The following B3GALT1 variants were observed in gnomAD, a reference collection of about 807,000 sequenced individuals.
The protein encoded by B3GALT1 is beta-1,3-galactosyltransferase 1.
Under a neutral mutation model 23.2 loss-of-function variants are expected in B3GALT1, and 10 were observed. The ratio of observed to expected loss-of-function variants is 0.43; its 90% CI spans 0.27 to 0.73. The LOEUF (loss-of-function observed/expected upper bound fraction) is 0.73. Among genes scored for constraint, B3GALT1 ranks in the 30% least tolerant of loss-of-function variants. The probability of loss-of-function intolerance (pLI) is 0.21; values close to 1 mark genes in which losing one functional copy is unlikely to be tolerated. For synonymous variants in B3GALT1, 156 were observed against 141.5 expected (o/e 1.10, Z -0.73); for missense variants, 299 against 405.4 (o/e 0.74, Z 2.25).
intron 1 of B3GALT1, among the ~76,000 whole-genome samples, chr2:167,475,718 G>T (rs1474286735): frequency 6.6e-6 from 1 of 152,042 alleles, no homozygotes; most frequent in African/African-American, 2.4e-5. Context: ...AGATAAGGGG[G>T]TACTACCATA....
intron 2 of B3GALT1, among the ~76,000 whole-genome samples, chr2:167,598,012 T>A (rs142670385): frequency 1.9e-3 from 282 of 152,320 alleles, no homozygotes; most frequent in Non-Finnish European, 3.5e-3. Flanking sequence ...CATTTCACCA[T>A]GTACTTACCA....
Position 167,872,373 on chromosome 2 carries a change from C to T in B3GALT1, c.*2353C>T, listed in dbSNP as rs1247068376. 1 of 152,154 alleles carries T rather than the reference C, an allele frequency of 6.6e-6. No individual in the cohort carries two copies. Among genetic ancestry groups the T allele is most frequent in the East Asian group, 1.9e-4 (1 of 5,192 alleles). The allele number at this position is 152,154 out of a possible 1,614,324, so 9.4% of individuals were successfully genotyped here. ...CAAGACTTCCCATCCCTTAACACAT[C>T]TTCATCTTATGGTCAGCAGGACTGC... On this transcript the variant is annotated 3_prime_UTR_variant, in exon 5 of 5. Transcript: ENST00000392690.
At chr2:167,422,206 GTCTC>G (rs1384779219) in intron 1 of B3GALT1, among the ~76,000 whole-genome samples, 2 of 151,618 alleles carry the variant, frequency 1.3e-5, no homozygotes, top group Admixed American at 6.6e-5. Flanking sequence ...CTCTCTCTCT[GTCTC>G]TCTCTCTCCC....
At chr2:167,632,833 G>A (rs913835697) in intron 2 of B3GALT1, among the ~76,000 whole-genome samples, 1 of 151,966 alleles carries the variant, frequency 6.6e-6, no homozygotes, top group Non-Finnish European at 1.5e-5. Flanking sequence ...GGCTTTTGTT[G>A]CCATTGCTTT....
At chr2:167,850,176 A>G (rs1689851443) in intron 4 of B3GALT1, among the ~76,000 whole-genome samples, 3 of 152,362 alleles carry the variant, frequency 2.0e-5, no homozygotes, top group South Asian at 2.1e-4. Flanking sequence ...AGAATCTACG[A>G]CAAACTCAAA....
chr2:167,491,676 G>C (rs148955554), intron 2 of B3GALT1, among the ~76,000 whole-genome samples: 3,891 of 151,884 alleles, frequency 0.026, 78 homozygotes, highest in Non-Finnish European at 0.038. Flanking sequence ...TTACCCAGGC[G>C]TGGTGGCGGG....
Position 167,645,901 on chromosome 2 carries a change from G to A in B3GALT1, c.-409-1008G>A, listed in dbSNP as rs187567679. ...AAAATGTGTACTTGGGGTGGGAGTGGGTGATTGCGGTGTTTGTAAAATGTC... is the reference window on the plus strand; with the variant it reads ...AAAATGTGTACTTGGGGTGGGAGTGAGTGATTGCGGTGTTTGTAAAATGTC... On this transcript the variant is annotated intron_variant, in intron 2 of 4. Transcript: ENST00000392690. Among the ~76,000 whole-genome samples the A allele has an allele frequency of 4.6e-5, 7 of 152,098 alleles. No individual in the cohort carries two copies. The East Asian group carries it at 1.4e-3, about 30-fold the overall frequency.
chr2:167,345,765 T>C (rs748952265), intron 1 of B3GALT1, among the ~76,000 whole-genome samples: 11 of 152,190 alleles, frequency 7.2e-5, no homozygotes, highest in Admixed American at 1.3e-4. Context: ...TGTGCTGTGG[T>C]AGATGATTAC....
intron 1 of B3GALT1, among the ~76,000 whole-genome samples, chr2:167,378,792 T>G (rs540959230): frequency 6.6e-6 from 1 of 152,194 alleles, no homozygotes; most frequent in East Asian, 1.9e-4. Flanking sequence ...TTGCAATCCA[T>G]GCATTGAGTT....
chr2:167,337,604 A>G (rs1697079226), intron 1 of B3GALT1, among the ~76,000 whole-genome samples: 1 of 152,140 alleles, frequency 6.6e-6, no homozygotes, highest in East Asian at 1.9e-4. Context: ...ACACACAACA[A>G]AGAATGCACC....
At chr2:167,800,321 C>A (rs925917379) in intron 3 of B3GALT1, among the ~76,000 whole-genome samples, 18 of 152,012 alleles carry the variant, frequency 1.2e-4, no homozygotes, top group Admixed American at 1.1e-3. Flanking sequence ...ATTTGGAACC[C>A]CAAGATTATT....
chr2:167,311,479 G>A (rs903541615), intron 1 of B3GALT1, among the ~76,000 whole-genome samples: 1 of 151,890 alleles, frequency 6.6e-6, no homozygotes, highest in African/African-American at 2.4e-5. Flanking sequence ...CATCTCTTTT[G>A]TAATTTTTAA....
chr2:167,669,632 TATC>T (rs1392819380), intron 3 of B3GALT1, among the ~76,000 whole-genome samples: 3 of 152,256 alleles, frequency 2.0e-5, no homozygotes, highest in African/African-American at 4.8e-5. Context: ...ATCTAAAATT[TATC>T]ATATATTTTG....
At chr2:167,718,736 C>T (rs1329352495) in intron 3 of B3GALT1, among the ~76,000 whole-genome samples, 2 of 145,750 alleles carry the variant, frequency 1.4e-5, no homozygotes, top group African/African-American at 4.9e-5. Flanking sequence ...TAATGGTCAT[C>T]AACTGGGTCA....
intron 1 of B3GALT1, among the ~76,000 whole-genome samples, chr2:167,368,327 C>T (rs567636867): frequency 6.5e-4 from 99 of 151,944 alleles, no homozygotes; most frequent in South Asian, 4.2e-4. Context: ...AGATTAAATA[C>T]GGAAACTATT....
At chr2:167,718,781 G>A (rs558292021) in intron 3 of B3GALT1, among the ~76,000 whole-genome samples, 8 of 152,138 alleles carry the variant, frequency 5.3e-5, no homozygotes. Context: ...GTTTAGATAG[G>A]GTAGGACACC....
intron 1 of B3GALT1, among the ~76,000 whole-genome samples, chr2:167,430,910 G>A (rs1698696497): frequency 6.6e-6 from 1 of 152,146 alleles, no homozygotes; most frequent in Admixed American, 6.5e-5. Context: ...CTTATTGGTG[G>A]CCTAACTAAA....
At chr2:167,683,260 G>A (rs184251014) in intron 3 of B3GALT1, among the ~76,000 whole-genome samples, 4 of 152,228 alleles carry the variant, frequency 2.6e-5, no homozygotes, top group East Asian at 1.9e-4. Flanking sequence ...TTACAGGGTG[G>A]CAGTAGACAC....
intron 4 of B3GALT1, among the ~76,000 whole-genome samples, chr2:167,863,988 GTA>G (rs1228612705): frequency 1.5e-4 from 20 of 133,780 alleles, no homozygotes; most frequent in South Asian, 2.6e-4. Flanking sequence ...ATGCATGTAT[GTA>G]TGTGTGTGTG....
Sources: allele counts gnomAD v4.1 joint callset (sites outside exome capture counted in the v4.1 genomes callset), GRCh38; gene constraint gnomAD v4.1.1; transcripts MANE v1.5; gene names NCBI Gene and HGNC (gene_info 2026-07-23, HGNC 2026-07-21).